Variants in THSD4 observed in about 807,000 individuals in gnomAD.
The protein encoded by THSD4 is thrombospondin type-1 domain-containing protein 4.
In THSD4, 69 loss-of-function variants were observed where a neutral mutation model predicts 119.0. The observed-to-expected ratio is 0.58, with a 90% confidence interval of 0.48 to 0.71. The LOEUF is 0.71. Ranked by LOEUF, THSD4 falls within the 30% of genes least tolerant of loss-of-function variation. THSD4 has a pLI of 0.00. For missense variants in THSD4, 1,393 were observed against 1,391.1 expected (o/e 1.00, Z -0.02); for synonymous variants, 524 against 540.4 (o/e 0.97, Z 0.42).
chr15:71,659,372 A>G (rs1300290627), intron 7 of THSD4, among the ~76,000 whole-genome samples: 1 of 152,196 alleles, frequency 6.6e-6, no homozygotes, highest in Non-Finnish European at 1.5e-5. Flanking sequence ...GGAAAGCTTC[A>G]GAAGTAGAAA....
At chr15:71,542,217 G>A (rs574384258) in intron 7 of THSD4, among the ~76,000 whole-genome samples, 7 of 152,204 alleles carry the variant, frequency 4.6e-5, no homozygotes, top group South Asian at 2.1e-4. Context: ...ATTAAAATTA[G>A]CAGAGAAAAC....
At chr15:71,669,658 T>C (rs1265753797) in intron 8 of THSD4, among the ~76,000 whole-genome samples, 4 of 152,250 alleles carry the variant, frequency 2.6e-5, no homozygotes, top group Non-Finnish European at 5.9e-5. Context: ...TCAGTTTATA[T>C]TTATAAAGAT....
At chr15:71,112,175 G>A (rs772382768), upstream of THSD4, 1 of 1,613,762 alleles carries the variant, frequency 6.2e-7, no homozygotes. Flanking sequence ...CTGCAGGCTG[G>A]GAACCACAGG....
intron 3 of THSD4, among the ~76,000 whole-genome samples, chr15:71,156,687 A>C (rs1394388573): frequency 6.6e-6 from 1 of 152,190 alleles, no homozygotes; most frequent in African/African-American, 2.4e-5. Flanking sequence ...ATCTGATTAT[A>C]GTCTAATTTA....
rs1251199319 is a variant in THSD4 at position 71,670,512 on chromosome 15, A to G, written c.1357+9778A>G. Among the ~76,000 whole-genome samples, 3 of 146,000 alleles carry G rather than the reference A, an allele frequency of 2.1e-5. No homozygotes were observed. The East Asian group carries it at 6.3e-4, about 30-fold the overall frequency. Reference sequence around the variant, plus strand: ...ATTTAAATTTTACATATATGTATATATATACTTTAAGTTCTAGGGTACATG... The same window carrying G: ...ATTTAAATTTTACATATATGTATATGTATACTTTAAGTTCTAGGGTACATG... On this transcript the variant is annotated intron_variant, in intron 8 of 17. Transcript: ENST00000261862.
intron 16 of THSD4, among the ~76,000 whole-genome samples, chr15:71,766,299 G>A (rs925972431): frequency 6.6e-6 from 1 of 152,030 alleles, no homozygotes; most frequent in Non-Finnish European, 1.5e-5. Context: ...CCCCATCCCA[G>A]GTGACCATTG....
rs2053676932 is a variant in THSD4 at position 71,764,256 on chromosome 15, A to G, written c.2590-764A>G. ...GTGAGACCTTGTCTCAAAAACAAGG[A>G]AAAATATTGAGTAAACCAAACATGA... is the stretch of plus-strand genomic sequence containing the variant. On this transcript the variant is annotated intron_variant, in intron 15 of 17. Transcript: ENST00000261862. Among the ~76,000 whole-genome samples, 5 of 152,244 alleles carry G rather than the reference A, an allele frequency of 3.3e-5. No homozygotes were observed. The South Asian group carries it at 1.0e-3, about 31-fold the overall frequency.
chr15:71,510,249 G>C (rs892615603), intron 7 of THSD4, among the ~76,000 whole-genome samples: 1 of 151,916 alleles, frequency 6.6e-6, no homozygotes, highest in Non-Finnish European at 1.5e-5. Flanking sequence ...CTTGGTACTC[G>C]GTAAATGTTT....
At chr15:71,740,670 CTG>C (rs974834235) in intron 11 of THSD4, among the ~76,000 whole-genome samples, 2 of 152,182 alleles carry the variant, frequency 1.3e-5, no homozygotes, top group African/African-American at 4.8e-5. Context: ...CATCCGCACG[CTG>C]TGTCATCCAC....
intron 7 of THSD4, among the ~76,000 whole-genome samples, chr15:71,512,398 G>A (rs921883266): frequency 2.6e-5 from 4 of 152,000 alleles, no homozygotes; most frequent in Admixed American, 1.3e-4. Context: ...ACTTCAGCCC[G>A]GCAGCGTTTT....
intron 1 of THSD4, among the ~76,000 whole-genome samples, chr15:71,103,503 C>T (rs2040261900): frequency 6.6e-6 from 1 of 152,176 alleles, no homozygotes; most frequent in Non-Finnish European, 1.5e-5. Flanking sequence ...TTTCAGCCCT[C>T]CAGTGAGCAA....
chr15:71,311,776 G>T (rs1301276574), intron 6 of THSD4, among the ~76,000 whole-genome samples: 1 of 152,094 alleles, frequency 6.6e-6, no homozygotes, highest in Non-Finnish European at 1.5e-5. Context: ...CCTGAAGAGC[G>T]GCCTTTCTCT....
At chr15:71,541,245 A>T (rs971173496) in intron 7 of THSD4, among the ~76,000 whole-genome samples, 1 of 152,266 alleles carries the variant, frequency 6.6e-6, no homozygotes, top group Non-Finnish European at 1.5e-5. Context: ...AAATATATGA[A>T]TGAGATATTT....
At chr15:71,386,964 A>G (rs2046301200) in intron 6 of THSD4, among the ~76,000 whole-genome samples, 1 of 152,202 alleles carries the variant, frequency 6.6e-6, no homozygotes, top group Non-Finnish European at 1.5e-5. Context: ...ATGTATTTGC[A>G]TTACACTGCT....
chr15:71,339,687 A>C (rs2045538334), intron 6 of THSD4, among the ~76,000 whole-genome samples: 1 of 152,194 alleles, frequency 6.6e-6, no homozygotes, highest in East Asian at 1.9e-4. Context: ...AATTGGAATA[A>C]TAAAAGTAAC....
At chr15:71,199,597 ATGTATGGTG>A (rs1335914184) in intron 3 of THSD4, among the ~76,000 whole-genome samples, 19 of 47,560 alleles carry the variant, frequency 4.0e-4, no homozygotes, top group African/African-American at 1.7e-3. Context: ...GGTGTGTGTG[ATGTATGGTG>A]TGTGTGGTGT....
chr15:71,311,316 A>G (rs1263664291), intron 6 of THSD4, among the ~76,000 whole-genome samples: 1 of 152,212 alleles, frequency 6.6e-6, no homozygotes, highest in African/African-American at 2.4e-5. Context: ...CCCCAGTGGC[A>G]ACACCTAGCT....
chr15:71,108,754 G>A (rs1264952541), intron 1 of THSD4, among the ~76,000 whole-genome samples: 2 of 152,218 alleles, frequency 1.3e-5, no homozygotes, highest in Non-Finnish European at 2.9e-5. Flanking sequence ...CACTTTGGGA[G>A]GCTGAGGCAG....
chr15:71,654,319 A>C (rs2051147726), intron 7 of THSD4, among the ~76,000 whole-genome samples: 1 of 152,220 alleles, frequency 6.6e-6, no homozygotes, highest in Admixed American at 6.5e-5. Flanking sequence ...TTACTGAACT[A>C]TATCGAAGGT....
Sources: gnomAD v4.1 joint callset for allele counts (sites outside exome capture counted in the v4.1 genomes callset) on GRCh38, gnomAD v4.1.1 for gene constraint, MANE v1.5 for transcripts, NCBI Gene and HGNC (gene_info 2026-07-23, HGNC 2026-07-21) for gene names.